Variants in SMPDL3A observed in about 807,000 individuals in gnomAD.
SMPDL3A encodes the protein sphingomyelin phosphodiesterase acid like 3A.
A neutral mutation model predicts 38.5 loss-of-function variants in SMPDL3A; 39 were observed. The observed-to-expected ratio is 1.01, with a 90% CI of 0.78 to 1.32. The LOEUF (loss-of-function observed/expected upper bound fraction) is 1.32. Ranked by LOEUF, SMPDL3A falls within the 40% of genes most tolerant of loss-of-function variation. SMPDL3A has a pLI of 0.00. For missense variants in SMPDL3A, 502 were observed against 536.2 expected (o/e 0.94, Z 0.63); for synonymous variants, 180 against 194.3 (o/e 0.93, Z 0.61).
chr6:122,790,957 T>C (rs991235805), intron 1 of SMPDL3A, among the ~76,000 whole-genome samples: 1 of 152,202 alleles, frequency 6.6e-6, no homozygotes, highest in African/African-American at 2.4e-5. Context: ...TGGTCTGAAG[T>C]GTTACTGGAG....
At chr6:122,789,873 T>G in intron 1 of SMPDL3A, 1 of 985,244 alleles carries the variant, frequency 1.0e-6, no homozygotes, top group Non-Finnish European at 1.2e-6. Flanking sequence ...CGGTCCTGAA[T>G]GGAGGGGGAC....
At chr6:122,807,878 T>A (rs1282021400) in intron 7 of SMPDL3A, among the ~76,000 whole-genome samples, 1 of 152,128 alleles carries the variant, frequency 6.6e-6, no homozygotes, top group Non-Finnish European at 1.5e-5. Context: ...TCTACAACTT[T>A]CAGTTGCCTA....
At chr6:122,805,299 A>G (rs1286871529) in intron 6 of SMPDL3A, among the ~76,000 whole-genome samples, 2 of 152,232 alleles carry the variant, frequency 1.3e-5, no homozygotes, top group Non-Finnish European at 2.9e-5. Context: ...GTAAGCTCCT[A>G]TTAGCTCCAC....
intron 3 of SMPDL3A, among the ~76,000 whole-genome samples, chr6:122,799,961 C>CTT (rs112956534): frequency 0.13 from 15,909 of 124,330 alleles, 1,134 homozygotes; most frequent in South Asian, 0.22. Flanking sequence ...TCAGTATTTA[C>CTT]TTTTTTTTTT....
At chr6:122,807,986 A>T (rs1051927955) in intron 7 of SMPDL3A, among the ~76,000 whole-genome samples, 1 of 152,328 alleles carries the variant, frequency 6.6e-6, no homozygotes, top group East Asian at 1.9e-4. Flanking sequence ...TCTGAGGTTC[A>T]GACTCCAATG....
At chr6:122,794,512 G>A (rs1340933671) in intron 1 of SMPDL3A, among the ~76,000 whole-genome samples, 1 of 152,040 alleles carries the variant, frequency 6.6e-6, no homozygotes, top group Non-Finnish European at 1.5e-5. Flanking sequence ...CAGAAGAATC[G>A]CTTGAACCCG....
At chr6:122,793,249 C>T (rs1781135623) in intron 1 of SMPDL3A, among the ~76,000 whole-genome samples, 1 of 152,122 alleles carries the variant, frequency 6.6e-6, no homozygotes, top group African/African-American at 2.4e-5. Flanking sequence ...TTCCATACAC[C>T]TTCTAAGGGC....
intron 3 of SMPDL3A, 36 bp downstream of exon 3, chr6:122,797,004 T>C (rs780310826): frequency 1.3e-6 from 2 of 1,587,694 alleles, no homozygotes; most frequent in Non-Finnish European, 1.7e-6. Flanking sequence ...GCTTAAAGAA[T>C]TTTTCCTATT....
chr6:122,803,262 A>G (rs1174057148), intron 4 of SMPDL3A, among the ~76,000 whole-genome samples: 1 of 152,222 alleles, frequency 6.6e-6, no homozygotes, highest in African/African-American at 2.4e-5. Context: ...AGCAAGATCC[A>G]TATGTGTTAC....
intron 7 of SMPDL3A, among the ~76,000 whole-genome samples, chr6:122,806,675 T>G (rs1335652188): frequency 6.6e-5 from 10 of 152,230 alleles, no homozygotes; most frequent in Admixed American, 5.9e-4. Flanking sequence ...TTCATTCTTC[T>G]TCTCCAGAAT....
At chr6:122,807,561 GC>G (rs1244902077) in intron 7 of SMPDL3A, among the ~76,000 whole-genome samples, 3 of 152,224 alleles carry the variant, frequency 2.0e-5, no homozygotes, top group African/African-American at 7.2e-5. Context: ...GTTCTTTGGA[GC>G]AGCTTCATGG....
chr6:122,799,707 A>G (rs1005059747), intron 3 of SMPDL3A, among the ~76,000 whole-genome samples: 1 of 152,190 alleles, frequency 6.6e-6, no homozygotes, highest in Non-Finnish European at 1.5e-5. Flanking sequence ...TCATTTGGTT[A>G]TTACTTGCCC....
chr6:122,807,082 G>T (rs1050264597), intron 7 of SMPDL3A, among the ~76,000 whole-genome samples: 4 of 29,518 alleles, frequency 1.4e-4, no homozygotes, highest in African/African-American at 2.1e-4. Flanking sequence ...TTGTAGAGAT[G>T]GGGGGGGGGG....
Position 122,805,007 on chromosome 6 carries a change from T to C in SMPDL3A, c.837T>C (p.Phe279=). The part of the protein sequence containing the change: ...EYYNEKLIDI[F]QKYSDVIAGQ... ...ATAATGAGAAATTGATAGATATTTT[T>C]CAAAAATACAGTGATGTCATTGCAG... Residue 279 remains phenylalanine, a synonymous_variant, in exon 6 of 8, where the codon TTT becomes TTC. Coordinates refer to ENST00000368440, the MANE Select transcript of SMPDL3A (RefSeq NM_006714.5). The C allele has an allele frequency of 1.2e-6, 2 of 1,613,622 alleles. No individual in the cohort carries two copies. The highest frequency in any genetic ancestry group is 1.7e-6 in the Non-Finnish European group (2 of 1,179,876).
At position 122,789,534 on chromosome 6, in the gene SMPDL3A, A is replaced by C. The variant is rs1582528521; in HGVS notation, c.112+76A>C. 3.1e-6 allele frequency: 4 copies of C among 1,284,154 alleles called. No individual in the cohort carries two copies. In the East Asian group the frequency reaches 1.0e-4, roughly 33 times the overall value. The allele number at this position is 1,284,154 out of a possible 1,614,324, so 79.5% of individuals were successfully genotyped here. A position where few individuals can be genotyped will look rare whatever the true frequency, so the allele number is the denominator to read the frequency against. ...GCGGCGCCTGCGCACAGCAGGAGAA[A>C]GTGCGTGGGGGCAGCTGCCCCCGGC... On this transcript the variant is annotated intron_variant, in intron 1 of 7. Transcript: ENST00000368440.
chr6:122,808,957 G>C (rs1781758766), intron 7 of SMPDL3A, 134 bp from the exon 8 acceptor site: 2 of 699,696 alleles, frequency 2.9e-6, no homozygotes, highest in Non-Finnish European at 2.4e-6. Flanking sequence ...GCCTCTCAAA[G>C]TGCTAGGATT....
In SMPDL3A at chr6:122,796,939, G is replaced by A. The variant is rs1435759214; in HGVS notation, c.442G>A (p.Ala148Thr). ...CTTTCCAAATCTCCAGGTTTTCCCT[G>A]CGCTGGGTAATCATGACTATTGGCC... ...SLFPNLQVFPALGNHDYWPQD... is the reference protein window; with the variant it reads ...SLFPNLQVFPTLGNHDYWPQD... The change falls in exon 3 of 8, where the codon GCG becomes ACG. Residue 148 changes from alanine to threonine, a missense_variant. Coordinates refer to ENST00000368440, the MANE Select transcript of SMPDL3A (RefSeq NM_006714.5). 5 of 1,613,550 alleles carry A rather than the reference G, an allele frequency of 3.1e-6. No homozygotes were observed. Among genetic ancestry groups the A allele is most frequent in the Non-Finnish European group, 4.2e-6 (5 of 1,179,758 alleles).
rs547003528 is a variant in SMPDL3A, at chr6:122,807,085, G to GA, written c.1044+728_1044+729insA. 2.4e-4 allele frequency among the ~76,000 whole-genome samples: 20 copies of GA among 84,640 alleles called. No homozygotes were observed. In the South Asian group the frequency reaches 7.0e-3, roughly 29 times the overall value. 55.5% of individuals were successfully genotyped at this position (84,640 alleles called of 152,430 possible). A position where few individuals can be genotyped will look rare whatever the true frequency, so the allele number is the denominator to read the frequency against. ...TTTATAATCCTATTGTAGAGATGGG[G>GA]GGGGGGGGTCTCCCTATGTTGCCCA... On this transcript the variant is annotated intron_variant, in intron 7 of 7. Coordinates refer to ENST00000368440, the MANE Select transcript of SMPDL3A (RefSeq NM_006714.5).
At chr6:122,808,800 GC>G (rs904036963) in intron 7 of SMPDL3A, among the ~76,000 whole-genome samples, 28 of 152,052 alleles carry the variant, frequency 1.8e-4, no homozygotes, top group Middle Eastern at 3.4e-3. Context: ...TTCTGCCCCA[GC>G]CTCCTGAGTA....
Sources: allele counts gnomAD v4.1 joint callset (sites outside exome capture counted in the v4.1 genomes callset), GRCh38; gene constraint gnomAD v4.1.1; transcripts MANE v1.5; gene names NCBI Gene and HGNC (gene_info 2026-07-23, HGNC 2026-07-21).